The following HIBCH variants were observed in gnomAD, a reference collection of about 807,000 sequenced individuals.
HIBCH encodes the protein 3-hydroxyisobutyryl-CoA hydrolase, mitochondrial.
Under a neutral mutation model 58.2 loss-of-function variants are expected in HIBCH, and 50 were observed. The ratio of observed to expected loss-of-function variants is 0.86; its 90% confidence interval spans 0.68 to 1.09. The LOEUF (loss-of-function observed/expected upper bound fraction) is 1.09. Among genes scored for constraint, HIBCH ranks in the 50% least tolerant of loss-of-function variants. The probability of loss-of-function intolerance (pLI) is 0.00; values close to 1 mark genes in which losing one functional copy is unlikely to be tolerated. For missense variants in HIBCH, 450 were observed against 449.7 expected (o/e 1.00, Z -0.01); for synonymous variants, 151 against 146.9 (o/e 1.03, Z -0.20).
At chr2:190,228,295 G>C (rs191367291) in intron 11 of HIBCH, among the ~76,000 whole-genome samples, 1 of 151,248 alleles carries the variant, frequency 6.6e-6, no homozygotes, top group Non-Finnish European at 1.5e-5. Context: ...GCAAATTATC[G>C]CAAGGACAGA....
At position 190,293,184 on chromosome 2, in the gene HIBCH, AG is replaced by A. The variant is rs201099694; in HGVS notation, c.304+1361del. On this transcript the variant is annotated intron_variant, in intron 4 of 13. Transcript: ENST00000359678. ...AAAGGCTAATTCAAGGCTGAAAAAC[AG>A]TATTTTAAAAATATGCATGTTGTTG... Among the ~76,000 whole-genome samples, 1,026 of 152,308 alleles carry A rather than the reference AG, an allele frequency of 6.7e-3. 12 individuals carry two copies. Among genetic ancestry groups the A allele is most frequent in the African/African-American group, 0.022 (932 of 41,574 alleles).
rs78052739 is a variant in HIBCH, at chr2:190,293,000, A to G, written c.304+1546T>C. On this transcript the variant is annotated intron_variant, in intron 4 of 13. Transcript: ENST00000359678. ...TTCCTGGACTTGAATCCACTGCTTT[A>G]TATGTGTAAACTACAATAATTCTAC... Among the ~76,000 whole-genome samples the G allele has an allele frequency of 5.8e-3, 890 of 152,298 alleles. 12 individuals are homozygous for G. The highest frequency in any genetic ancestry group is 0.02 in the African/African-American group (817 of 41,562).
At chr2:190,302,460 C>G (rs1688289361) in intron 2 of HIBCH, among the ~76,000 whole-genome samples, 1 of 152,176 alleles carries the variant, frequency 6.6e-6, no homozygotes, top group Non-Finnish European at 1.5e-5. Context: ...CTGTGTGCAG[C>G]CTCCCTACAT....
chr2:190,250,482 A>G (rs572723631), intron 8 of HIBCH: 1 of 410,648 alleles, frequency 2.4e-6, no homozygotes, highest in East Asian at 7.3e-5. Flanking sequence ...TACAGCCCTG[A>G]GAATGTCTGT....
intron 2 of HIBCH, among the ~76,000 whole-genome samples, chr2:190,299,742 G>A (rs1417611871): frequency 2.0e-5 from 3 of 152,030 alleles, no homozygotes; most frequent in East Asian, 1.9e-4. Flanking sequence ...AATTCATGTC[G>A]TGGGGGTTTG....
At position 190,197,875 on chromosome 2, in the gene HIBCH, A is replaced by G. The variant is rs1690053831; in HGVS notation, c.*17+7225T>C. Among the ~76,000 whole-genome samples, 1 of 152,136 alleles carries G rather than the reference A, an allele frequency of 6.6e-6. No individual in the cohort carries two copies. Among genetic ancestry groups the G allele is most frequent in the Non-Finnish European group, 1.5e-5 (1 of 68,026 alleles). On this transcript the variant is annotated intron_variant, in intron 1 of 1. Transcript: ENST00000399855. This position sits in a 1 kb window ranked among gnomAD's most constrained non-coding sequence, Gnocchi z 4.0. Reference sequence around the variant, plus strand: ...TTCTGATGGTTCCACTGATGGTTCCACTCACAGCCTTTTATTTATCTGACA... The same window carrying G: ...TTCTGATGGTTCCACTGATGGTTCCGCTCACAGCCTTTTATTTATCTGACA...
At chr2:190,317,136 G>T (rs572217322) in intron 1 of HIBCH, among the ~76,000 whole-genome samples, 3 of 152,150 alleles carry the variant, frequency 2.0e-5, no homozygotes, top group African/African-American at 7.2e-5. Context: ...GCCCAGGATT[G>T]TCTTGAACTC....
intron 1 of HIBCH, among the ~76,000 whole-genome samples, chr2:190,313,895 T>C (rs975544431): frequency 1.3e-5 from 2 of 152,176 alleles, no homozygotes; most frequent in Admixed American, 6.5e-5. Context: ...GTTTTCATAA[T>C]TACTTTTAAA....
At chr2:190,208,668 AT>A (rs10650285) in intron 13 of HIBCH, 47,270 of 452,866 alleles carry the variant, frequency 0.1, 2 homozygotes, top group South Asian at 0.13. Context: ...TTCAGGTTTG[AT>A]TTTTTTTTTT....
intron 6 of HIBCH, among the ~76,000 whole-genome samples, chr2:190,283,345 A>G (rs1288856192): frequency 6.6e-6 from 1 of 152,162 alleles, no homozygotes; most frequent in Non-Finnish European, 1.5e-5. Flanking sequence ...AAAGTAGCCA[A>G]TCAGAATTAG....
chr2:190,278,235 C>T (rs933020393), intron 6 of HIBCH, among the ~76,000 whole-genome samples: 5 of 151,834 alleles, frequency 3.3e-5, no homozygotes, highest in Admixed American at 6.6e-5. Context: ...GATGGAGTCT[C>T]GCTCTGTCGC....
intron 4 of HIBCH, among the ~76,000 whole-genome samples, chr2:190,293,091 AG>A (rs1687997207): frequency 6.6e-6 from 1 of 152,220 alleles, no homozygotes; most frequent in African/African-American, 2.4e-5. Context: ...TAGCTCAGTC[AG>A]AAAAAGCTAA....
chr2:190,195,944 T>TTC (rs1553490734), intron 1 of HIBCH, among the ~76,000 whole-genome samples: 11 of 140,474 alleles, frequency 7.8e-5, no homozygotes, highest in Admixed American at 7.7e-4. Context: ...TGTCCAGCTT[T>TTC]TTTTTTTTTT....
intron 6 of HIBCH, among the ~76,000 whole-genome samples, chr2:190,262,945 A>C (rs941495233): frequency 6.6e-6 from 1 of 152,244 alleles, no homozygotes; most frequent in Non-Finnish European, 1.5e-5. Flanking sequence ...GAAGGTTCAG[A>C]ATAGTCAAGC....
chr2:190,291,452 CAGAA>C (rs1198209295), intron 4 of HIBCH, among the ~76,000 whole-genome samples: 1 of 152,000 alleles, frequency 6.6e-6, no homozygotes, highest in Non-Finnish European at 1.5e-5. Flanking sequence ...TAGAAAATGA[CAGAA>C]AGAAAAATTC....
At chr2:190,261,745 G>C (rs1385131693) in intron 6 of HIBCH, among the ~76,000 whole-genome samples, 1 of 152,054 alleles carries the variant, frequency 6.6e-6, no homozygotes, top group Non-Finnish European at 1.5e-5. Flanking sequence ...CTAGCCATGG[G>C]GGCTTCATGC....
At chr2:190,266,938 G>A (rs1687259285) in intron 6 of HIBCH, among the ~76,000 whole-genome samples, 1 of 150,868 alleles carries the variant, frequency 6.6e-6, no homozygotes. Flanking sequence ...TGTTTTTTTA[G>A]TAGAGATGGG....
chr2:190,314,379 GTGTA>G (rs1688656947), intron 1 of HIBCH, among the ~76,000 whole-genome samples: 2 of 83,984 alleles, frequency 2.4e-5, no homozygotes, highest in African/African-American at 1.0e-4. Context: ...ACGTATATAT[GTGTA>G]TATATATGTA....
At chr2:190,213,117 C>A in intron 11 of HIBCH, 42 bp from the exon 12 acceptor site, 3 of 1,424,518 alleles carry the variant, frequency 2.1e-6, no homozygotes, top group Non-Finnish European at 2.0e-6. Flanking sequence ...CCAATAGTTC[C>A]TTTATTGTCT....
Sources: gnomAD v4.1 joint callset for allele counts (sites outside exome capture counted in the v4.1 genomes callset) on GRCh38, gnomAD v4.1.1 for gene constraint, Gnocchi (gnomAD v3.1) non-coding constraint, MANE v1.5 for transcripts, NCBI Gene and HGNC (gene_info 2026-07-23, HGNC 2026-07-21) for gene names.